Variants in TAFA2 observed in about 807,000 individuals in gnomAD.
TAFA2 encodes TAFA chemokine like family member 2, also known as chemokine-like protein TAFA-2.
In TAFA2, 7 loss-of-function variants were observed where a neutral mutation model predicts 18.8. That is an observed-to-expected ratio of 0.37 (90% CI 0.21 to 0.70). The LOEUF (loss-of-function observed/expected upper bound fraction) is 0.70, where lower values mean the gene tolerates loss of function less well. Among genes scored for constraint, TAFA2 ranks in the 30% least tolerant of loss-of-function variants. The pLI is 0.53. For missense variants in TAFA2, 122 were observed against 158.1 expected (o/e 0.77, Z 1.23); for synonymous variants, 60 against 54.2 (o/e 1.11, Z -0.47).
intron 2 of TAFA2, among the ~76,000 whole-genome samples, chr12:61,823,806 T>C (rs1383061033): frequency 6.6e-6 from 1 of 152,114 alleles, no homozygotes; most frequent in Non-Finnish European, 1.5e-5. Context: ...CATAGAATAA[T>C]ACTCACACCA....
intron 1 of TAFA2, among the ~76,000 whole-genome samples, chr12:62,124,819 G>A (rs1307542110): frequency 6.6e-6 from 1 of 152,040 alleles, no homozygotes; most frequent in Non-Finnish European, 1.5e-5. Flanking sequence ...ACAGATATTG[G>A]CAGAACCTCT....
intron 1 of TAFA2, among the ~76,000 whole-genome samples, chr12:61,954,454 G>C (rs1478770382): frequency 6.6e-6 from 1 of 152,022 alleles, no homozygotes; most frequent in Non-Finnish European, 1.5e-5. Flanking sequence ...TTAATTGCTT[G>C]AAAAACAAGA....
At chr12:62,123,359 A>AC (rs760855336) in intron 1 of TAFA2, among the ~76,000 whole-genome samples, 2 of 152,098 alleles carry the variant, frequency 1.3e-5, no homozygotes, top group Admixed American at 6.6e-5. Flanking sequence ...AGGTGCACAC[A>AC]CAATGTGTGG....
chr12:62,087,944 G>A (rs1241048802), intron 1 of TAFA2, among the ~76,000 whole-genome samples: 2 of 151,966 alleles, frequency 1.3e-5, no homozygotes, highest in Admixed American at 1.3e-4. Context: ...TTATAAATAG[G>A]GTAATCATAC....
At chr12:62,011,665 TA>T (rs1226378982) in intron 1 of TAFA2, among the ~76,000 whole-genome samples, 2 of 151,698 alleles carry the variant, frequency 1.3e-5, no homozygotes, top group Non-Finnish European at 2.9e-5. Flanking sequence ...TTCATGTGTT[TA>T]TCTGCTGACC....
chr12:62,082,552 G>C (rs1023157920), intron 1 of TAFA2, among the ~76,000 whole-genome samples: 1 of 152,158 alleles, frequency 6.6e-6, no homozygotes, highest in African/African-American at 2.4e-5. Flanking sequence ...GCAGTGAGGC[G>C]CTGGGGCTAT....
At chr12:62,078,436 G>A (rs1472777178) in intron 1 of TAFA2, among the ~76,000 whole-genome samples, 1 of 136,386 alleles carries the variant, frequency 7.3e-6, no homozygotes, top group African/African-American at 2.8e-5. Context: ...AAAAAGAACT[G>A]GATCAGATCC....
At chr12:62,004,831 T>C (rs947971830) in intron 1 of TAFA2, among the ~76,000 whole-genome samples, 1 of 152,088 alleles carries the variant, frequency 6.6e-6, no homozygotes, top group Non-Finnish European at 1.5e-5. Flanking sequence ...AGATACATAG[T>C]AGATATTAAT....
At chr12:62,019,491 T>TA (rs1592553263) in intron 1 of TAFA2, among the ~76,000 whole-genome samples, 1 of 150,964 alleles carries the variant, frequency 6.6e-6, no homozygotes, top group East Asian at 1.9e-4. Flanking sequence ...TATGCAGCCA[T>TA]AAAAAATGAT....
intron 1 of TAFA2, among the ~76,000 whole-genome samples, chr12:61,951,936 G>A (rs969173): frequency 0.96 from 146,060 of 152,108 alleles, 70,211 homozygotes; most frequent in South Asian, 0.99. Context: ...CACTTGAGAA[G>A]AAAACACGAA....
At chr12:61,821,194 T>C (rs568150788) in intron 2 of TAFA2, among the ~76,000 whole-genome samples, 2 of 151,376 alleles carry the variant, frequency 1.3e-5, no homozygotes, top group Non-Finnish European at 3.0e-5. Flanking sequence ...AAACATCTTA[T>C]TACCATCTAC....
chr12:61,973,867 C>T (rs532676160), intron 1 of TAFA2, among the ~76,000 whole-genome samples: 1 of 151,740 alleles, frequency 6.6e-6, no homozygotes, highest in African/African-American at 2.4e-5. Context: ...TTTAAAGTTC[C>T]AAAATGCAGC....
intron 1 of TAFA2, among the ~76,000 whole-genome samples, chr12:62,128,883 G>C (rs1795210): frequency 0.6 from 91,596 of 151,942 alleles, 28,021 homozygotes; most frequent in African/African-American, 0.69. Context: ...TTGTAAATAC[G>C]ATACATTAAA....
intron 1 of TAFA2, among the ~76,000 whole-genome samples, chr12:61,935,827 T>C (rs1377958619): frequency 2.6e-5 from 4 of 151,720 alleles, no homozygotes; most frequent in Non-Finnish European, 5.9e-5. Context: ...AACAGGCCAA[T>C]AGTAAGTTCT....
intron 1 of TAFA2, among the ~76,000 whole-genome samples, chr12:62,241,715 TA>T (rs962046586): frequency 7.3e-5 from 11 of 150,598 alleles, no homozygotes; most frequent in African/African-American, 2.7e-4. Flanking sequence ...TTTAATATTT[TA>T]AACTCTACAT....
At chr12:62,078,742 A>G (rs79013562) in intron 1 of TAFA2, among the ~76,000 whole-genome samples, 2,859 of 152,304 alleles carry the variant, frequency 0.019, 96 homozygotes, top group African/African-American at 0.065. Context: ...TTGTCTTGCT[A>G]GAGCTGCAAG....
At chr12:61,864,791 A>T (rs1412974180) in intron 2 of TAFA2, among the ~76,000 whole-genome samples, 1 of 151,680 alleles carries the variant, frequency 6.6e-6, no homozygotes, top group Non-Finnish European at 1.5e-5. Context: ...AAAAAAAAAA[A>T]AAAGTACCAC....
chr12:61,828,128 G>C (rs1186275772), intron 2 of TAFA2, among the ~76,000 whole-genome samples: 1 of 151,858 alleles, frequency 6.6e-6, no homozygotes, highest in Non-Finnish European at 1.5e-5. Context: ...TGTGTACTCA[G>C]CCTACCTAAC....
At chr12:61,958,347 T>A (rs1221792634) in intron 1 of TAFA2, among the ~76,000 whole-genome samples, 1 of 152,110 alleles carries the variant, frequency 6.6e-6, no homozygotes, top group African/African-American at 2.4e-5. Context: ...TGTTTTCTTA[T>A]ACGTATATGC....
Sources: gnomAD v4.1 joint callset for allele counts (sites outside exome capture counted in the v4.1 genomes callset) on GRCh38, gnomAD v4.1.1 for gene constraint, MANE v1.5 for transcripts, NCBI Gene and HGNC (gene_info 2026-07-23, HGNC 2026-07-21) for gene names.